Variants in DOCK9 observed in about 807,000 individuals in gnomAD.
DOCK9 encodes dedicator of cytokinesis 9, also known as dedicator of cytokinesis protein 9.
A neutral mutation model predicts 263.3 loss-of-function variants in DOCK9; 89 were observed. The observed-to-expected ratio is 0.34, with a 90% CI of 0.28 to 0.40. The LOEUF (loss-of-function observed/expected upper bound fraction) is 0.40. Ranked by LOEUF, DOCK9 falls within the 10% of genes least tolerant of loss-of-function variation. The pLI, the probability that DOCK9 is intolerant of heterozygous loss-of-function variation, is 1.00. For missense variants in DOCK9, 2,140 were observed against 2,603.4 expected (o/e 0.82, Z 3.87); for synonymous variants, 976 against 973.1 (o/e 1.00, Z -0.06).
At chr13:98,867,404 A>G in intron 30 of DOCK9, 21 bp downstream of exon 30, 1 of 1,309,274 alleles carries the variant, frequency 7.6e-7, no homozygotes, top group Non-Finnish European at 1.1e-6. Context: ...GAAAAGGTTA[A>G]TAGAAATAAA....
At chr13:99,046,685 A>AAC in intron 1 of DOCK9, among the ~76,000 whole-genome samples, 2 of 152,200 alleles carry the variant, frequency 1.3e-5, no homozygotes, top group Non-Finnish European at 2.9e-5. Context: ...GTGTAAAATA[A>AAC]ACACACACAG....
intron 18 of DOCK9, among the ~76,000 whole-genome samples, chr13:98,887,523 G>C (rs1594989476): frequency 6.9e-6 from 1 of 145,006 alleles, no homozygotes; most frequent in East Asian, 2.1e-4. Context: ...GGCTGAGGCA[G>C]GAGAATGGCA....
At chr13:99,049,136 T>C (rs567086224) in intron 1 of DOCK9, among the ~76,000 whole-genome samples, 5 of 152,348 alleles carry the variant, frequency 3.3e-5, no homozygotes, top group South Asian at 4.1e-4. Flanking sequence ...CCTTACTCAA[T>C]TCTCTCATTA....
At chr13:99,008,208 C>A (rs61968915) in intron 1 of DOCK9, among the ~76,000 whole-genome samples, 1,989 of 72,330 alleles carry the variant, frequency 0.027, 23 homozygotes, top group East Asian at 0.1. Context: ...CTCTCTCTCT[C>A]TCTCTATATA....
chr13:99,087,727 GT>G (rs1211683028), upstream of DOCK9: 1 of 152,482 alleles, frequency 6.6e-6, no homozygotes, highest in Non-Finnish European at 1.5e-5. Flanking sequence ...ATGCTCAGTG[GT>G]TGGGGACTGG....
chr13:98,925,606 C>T (rs1431464053), intron 4 of DOCK9, among the ~76,000 whole-genome samples: 1 of 152,116 alleles, frequency 6.6e-6, no homozygotes, highest in Non-Finnish European at 1.5e-5. Flanking sequence ...CTGAAAAGAA[C>T]CACTGGACAT....
intron 1 of DOCK9, among the ~76,000 whole-genome samples, chr13:98,963,614 T>G (rs1476393160): frequency 6.6e-6 from 1 of 152,230 alleles, no homozygotes; most frequent in East Asian, 1.9e-4. Context: ...GCAAACTAAA[T>G]GGCAACTCTT....
chr13:99,011,959 C>T (rs1401877431), intron 1 of DOCK9, among the ~76,000 whole-genome samples: 1 of 152,234 alleles, frequency 6.6e-6, no homozygotes, highest in African/African-American at 2.4e-5. Flanking sequence ...GTAGCTGGGG[C>T]TACTTGGCAT....
In DOCK9 at chr13:98,829,802, C is replaced by T; in HGVS notation, c.4636-46G>A. 6.6e-7 allele frequency: 1 copy of T among 1,506,226 alleles called. No homozygotes were observed. Among genetic ancestry groups the T allele is most frequent in the Non-Finnish European group, 9.1e-7 (1 of 1,103,480 alleles). The allele number at this position is 1,506,226 out of a possible 1,614,324, so 93.3% of individuals were successfully genotyped here. A position where few individuals can be genotyped will look rare whatever the true frequency, so the allele number is the denominator to read the frequency against. ...AGCAAATCAATTTACCTTCAAATGA[C>T]TGCCCAGGCTGGGCTTCTGCGTTCA... On this transcript the variant is annotated intron_variant, in intron 41 of 52. Transcript: ENST00000682017. The surrounding 1 kb of genome is among the most constrained non-coding windows in gnomAD (Gnocchi z 4.1).
At chr13:98,880,042 G>A (rs948038863) in intron 26 of DOCK9, 73 bp from the exon 27 acceptor site, 1 of 1,181,698 alleles carries the variant, frequency 8.5e-7, no homozygotes. Context: ...CTCTCAGGCT[G>A]ACAATATTAT....
intron 15 of DOCK9, among the ~76,000 whole-genome samples, chr13:98,891,144 T>C (rs1173460557): frequency 1.3e-5 from 2 of 152,098 alleles, no homozygotes; most frequent in Admixed American, 6.5e-5. Context: ...GGGTCAGTCA[T>C]TTCCTGAGAG....
chr13:98,837,014 C>CA (rs34291682), intron 39 of DOCK9, among the ~76,000 whole-genome samples: 37,817 of 146,744 alleles, frequency 0.26, 5,736 homozygotes, highest in African/African-American at 0.43. Context: ...AAAAACAAGA[C>CA]AAAAAAAAAA....
chr13:98,831,102 ATTTTAGTCAG>A (rs1305587729), intron 41 of DOCK9, among the ~76,000 whole-genome samples: 1 of 152,210 alleles, frequency 6.6e-6, no homozygotes, highest in Non-Finnish European at 1.5e-5. Context: ...ATTCAATGGA[ATTTTAGTCAG>A]TCCAATATTG....
At chr13:98,971,899 T>C (rs140784728) in intron 1 of DOCK9, among the ~76,000 whole-genome samples, 341 of 152,360 alleles carry the variant, frequency 2.2e-3, no homozygotes, top group African/African-American at 7.5e-3. Flanking sequence ...TTCATGCTAT[T>C]CAACCACTGT....
At chr13:98,795,890 C>T (rs2089323002) in intron 52 of DOCK9, among the ~76,000 whole-genome samples, 1 of 151,982 alleles carries the variant, frequency 6.6e-6, no homozygotes, top group African/African-American at 2.4e-5. Context: ...TCCCGAGTAG[C>T]TGAGACTAGG....
intron 1 of DOCK9, among the ~76,000 whole-genome samples, chr13:99,085,990 G>C (rs1478908674): frequency 1.3e-5 from 2 of 152,164 alleles, no homozygotes; most frequent in Non-Finnish European, 2.9e-5. Flanking sequence ...AGGGGACAGC[G>C]ATGGGGACAG....
chr13:98,888,735 T>G, intron 15 of DOCK9, 24 bp from the exon 16 acceptor site: 1 of 1,603,696 alleles, frequency 6.2e-7, no homozygotes. Context: ...AAGAGAAAAA[T>G]TAAACATTCG....
chr13:98,806,190 C>A (rs1481254030), intron 48 of DOCK9, among the ~76,000 whole-genome samples: 1 of 152,180 alleles, frequency 6.6e-6, no homozygotes, highest in African/African-American at 2.4e-5. Context: ...AGATTAGATG[C>A]AACAGCTGCA....
At chr13:98,894,835 A>G (rs1228541079) in intron 15 of DOCK9, among the ~76,000 whole-genome samples, 4 of 151,762 alleles carry the variant, frequency 2.6e-5, no homozygotes, top group Admixed American at 6.6e-5. Context: ...ATGGCTGGGC[A>G]TGGTGGCTCA....
Sources: gnomAD v4.1 joint callset for allele counts (sites outside exome capture counted in the v4.1 genomes callset) on GRCh38, gnomAD v4.1.1 for gene constraint, Gnocchi (gnomAD v3.1) non-coding constraint, MANE v1.5 for transcripts, NCBI Gene and HGNC (gene_info 2026-07-23, HGNC 2026-07-21) for gene names.